Variants in IL11RA observed in about 807,000 individuals in gnomAD.
IL11RA encodes the protein interleukin-11 receptor subunit alpha.
Under a neutral mutation model 57.0 loss-of-function variants are expected in IL11RA, and 51 were observed. The observed-to-expected ratio is 0.89, with a 90% confidence interval of 0.71 to 1.13. IL11RA has a LOEUF of 1.13. Ranked by LOEUF, IL11RA falls within the 50% of genes most tolerant of loss-of-function variation. IL11RA has a pLI of 0.00. For synonymous variants in IL11RA, 199 were observed against 217.5 expected (o/e 0.91, Z 0.75); for missense variants, 498 against 539.4 (o/e 0.92, Z 0.76).
chr9:34,660,785 A>G (rs1039913179), intron 11 of IL11RA, 69 bp from the exon 12 acceptor site: 1 of 1,412,728 alleles, frequency 7.1e-7, no homozygotes, highest in Non-Finnish European at 1.0e-6. Context: ...ACCCTTTACT[A>G]ATAAACCCTT....
chr9:34,660,372 C>A lies in IL11RA; in HGVS notation c.1051C>A (p.Gln351Lys), dbSNP rs1470577176. The A allele has an allele frequency of 6.2e-7, 1 of 1,614,156 alleles. No individual in the cohort carries two copies. Among genetic ancestry groups the A allele is most frequent in the Non-Finnish European group, 8.5e-7 (1 of 1,179,988 alleles). The change falls in exon 10 of 13, where the codon CAA becomes AAA. Residue 351 changes from glutamine (Q) to lysine (K), a missense_variant. Physicochemically the swap from Gln to Lys is moderately conservative, Grantham distance 53. Transcript: ENST00000441545. The stretch of plus-strand genomic sequence containing the variant: ...CCCTGCTCCTCCAAGGCCCTCCCTC[C>A]AACCACACCCTCGGCTACTTGGTGA... ...DSPAPPRPSLQPHPRLLDHRD... is the reference protein window; with the variant it reads ...DSPAPPRPSLKPHPRLLDHRD...
intron 1 of IL11RA, 140 bp from the exon 2 acceptor site, chr9:34,655,078 C>G (rs1821317172): frequency 2.8e-6 from 2 of 705,186 alleles, no homozygotes; most frequent in African/African-American, 3.5e-5. Context: ...CAGGTCAGTT[C>G]CCGCAGTGAT....
At position 34,660,384 on chromosome 9, in the gene IL11RA, C is replaced by T. The variant is rs148186329; in HGVS notation, c.1063C>T (p.Arg355Trp). The change falls in exon 10 of 13, where the codon CGG becomes TGG. Residue 355 changes from arginine (R) to tryptophan (W), a missense_variant. By Grantham distance (101) the Arg-to-Trp change is moderately radical. Coordinates refer to ENST00000441545, the MANE Select transcript of IL11RA (RefSeq NM_001142784.3). ...PPRPSLQPHP[R>W]LLDHRDSVEQ... ...AAGGCCCTCCCTCCAACCACACCCT[C>T]GGCTACTTGGTGAGCTTGGGCAGAT... is the stretch of plus-strand genomic sequence containing the variant. The T allele has an allele frequency of 1.5e-4, 242 of 1,614,126 alleles. No homozygotes were observed. In the African/African-American group the frequency reaches 2.4e-3, roughly 16 times the overall value.
rs1170642058 is a variant in IL11RA at position 34,660,260 on chromosome 9, T to C, written c.953-14T>C. On this transcript the variant is annotated splice_polypyrimidine_tract_variant and intron_variant, in intron 9 of 12. Coordinates refer to ENST00000441545, the MANE Select transcript of IL11RA (RefSeq NM_001142784.3). Reference sequence around the variant, plus strand: ...CCAGCGTATGGACACTTATTGGGTCTTGCCTTCCTTTAGGGACCATACCAA... The same window carrying C: ...CCAGCGTATGGACACTTATTGGGTCCTGCCTTCCTTTAGGGACCATACCAA... 6.2e-7 allele frequency: 1 copy of C among 1,614,186 alleles called. No homozygotes were observed. The highest frequency in any genetic ancestry group is 8.5e-7 in the Non-Finnish European group (1 of 1,180,024).
Position 34,658,381 on chromosome 9 carries a change from A to G in IL11RA, c.647-139A>G. ...AATACAGATGACCGGTCTGAGTCTA[A>G]TGGATGATCAAGTTTAAGATTTCCC... On this transcript the variant is annotated intron_variant, in intron 7 of 12. Coordinates refer to ENST00000441545, the MANE Select transcript of IL11RA (RefSeq NM_001142784.3). The surrounding 1 kb of genome is among the most constrained non-coding windows in gnomAD (Gnocchi z 4.0). 1.1e-6 allele frequency: 1 copy of G among 879,014 alleles called. No homozygotes were observed. The highest frequency in any genetic ancestry group is 1.4e-5 in the South Asian group (1 of 71,948). 54.5% of individuals were successfully genotyped at this position (879,014 alleles called of 1,614,324 possible).
intron 4 of IL11RA, 28 bp from the exon 5 acceptor site, chr9:34,657,007 A>C (rs370362629): frequency 3.2e-5 from 52 of 1,610,010 alleles, no homozygotes; most frequent in Non-Finnish European, 4.1e-5. Context: ...AGGACTGCTC[A>C]GTCTCCAGGT....
At chr9:34,660,666 A>G in intron 11 of IL11RA, 66 bp downstream of exon 11, 2 of 1,386,806 alleles carry the variant, frequency 1.4e-6, no homozygotes, top group South Asian at 2.3e-5. Flanking sequence ...CATAGACCAC[A>G]TTCATCTCCA....
chr9:34,655,889 C>G, intron 3 of IL11RA: 1 of 601,812 alleles, frequency 1.7e-6, no homozygotes, highest in Non-Finnish European at 3.1e-6. Flanking sequence ...TACAGCAGTG[C>G]TAATGCCAGG....
chr9:34,655,016 T>TGTGTGTGTGC (rs1020616428), intron 1 of IL11RA: 1 of 556,722 alleles, frequency 1.8e-6, no homozygotes, highest in African/African-American at 1.9e-5. Context: ...TGTGTGTGTG[T>TGTGTGTGTGC]GCGCGCGCAC....
At position 34,661,763 on chromosome 9, in the gene IL11RA, G is replaced by A. The variant is rs1445666143; in HGVS notation, c.*265G>A. ...TGTGACCATGTGTCTGTGAGGCAGG[G>A]AACATGTATTCTCTGCATGCATGTA... On this transcript the variant is annotated 3_prime_UTR_variant, in exon 13 of 13. Coordinates refer to ENST00000441545, the MANE Select transcript of IL11RA (RefSeq NM_001142784.3). 1.1e-5 allele frequency: 8 copies of A among 737,136 alleles called. No individual in the cohort carries two copies. The highest frequency in any genetic ancestry group is 8.9e-5 in the Admixed American group (4 of 45,084). The allele number at this position is 737,136 out of a possible 1,614,324, so 45.7% of individuals were successfully genotyped here.
Position 34,660,137 on chromosome 9 carries a change from C to T in IL11RA, c.953-137C>T, listed in dbSNP as rs1821424068. ...ACAAGCTTGGAGCTTGCCATGCTCC[C>T]TAGGAGCTGGCCATGCCCTATCAGG... is the stretch of plus-strand genomic sequence containing the variant. On this transcript the variant is annotated intron_variant, in intron 9 of 12. Transcript: ENST00000441545. 1.9e-5 allele frequency: 26 copies of T among 1,367,976 alleles called. No homozygotes were observed. In the Admixed American group the frequency reaches 4.1e-4, roughly 22 times the overall value. The allele number at this position is 1,367,976 out of a possible 1,614,324, so 84.7% of individuals were successfully genotyped here.
rs1438950665 is a variant in IL11RA at position 34,655,155 on chromosome 9, A to G, written c.1-63A>G. 13 of 1,159,880 alleles carry G rather than the reference A, an allele frequency of 1.1e-5. No individual in the cohort carries two copies. In the East Asian group the frequency reaches 3.2e-4, roughly 29 times the overall value. The allele number at this position is 1,159,880 out of a possible 1,614,324, so 71.8% of individuals were successfully genotyped here. On this transcript the variant is annotated intron_variant, in intron 1 of 12. Coordinates refer to ENST00000441545, the MANE Select transcript of IL11RA (RefSeq NM_001142784.3). ...TAGGAAGCCTCAGTTTTGGAGAGGA[A>G]GAGCCAGGCTTTAGCCTCCCATCTC...
chr9:34,660,687 C>G, intron 11 of IL11RA, 87 bp downstream of exon 11: 1 of 1,291,332 alleles, frequency 7.7e-7, no homozygotes, highest in Admixed American at 1.7e-5. Flanking sequence ...CCCTTCATGA[C>G]TGCCCGCTGA....
chr9:34,654,825 G>A (rs1002639334), intron 1 of IL11RA, among the ~76,000 whole-genome samples: 5 of 152,132 alleles, frequency 3.3e-5, no homozygotes, highest in African/African-American at 1.2e-4. Context: ...CCCAACAGCT[G>A]GACTGGAGGG....
chr9:34,655,089 T>A (rs543358544), intron 1 of IL11RA, 129 bp from the exon 2 acceptor site: 48 of 725,478 alleles, frequency 6.6e-5, no homozygotes, highest in Admixed American at 4.1e-4. Context: ...CCGCAGTGAT[T>A]TCTAACAGCC....
At position 34,657,603 on chromosome 9, in the gene IL11RA, A is replaced by G; in HGVS notation, c.646+16A>G. 1 of 1,586,700 alleles carries G rather than the reference A, an allele frequency of 6.3e-7. No homozygotes were observed. Among genetic ancestry groups the G allele is most frequent in the Non-Finnish European group, 8.6e-7 (1 of 1,163,252 alleles). ...CAGAGCATCTGTGAGTACCCACCCC[A>G]GACCTCCCCCAGACCCCCATCACAG... On this transcript the variant is annotated intron_variant, in intron 7 of 12. Coordinates refer to ENST00000441545, the MANE Select transcript of IL11RA (RefSeq NM_001142784.3).
chr9:34,661,528 C>T lies in IL11RA; in HGVS notation c.*30C>T. 1 of 1,611,154 alleles carries T rather than the reference C, an allele frequency of 6.2e-7. No individual in the cohort carries two copies. Among genetic ancestry groups the T allele is most frequent in the South Asian group, 1.1e-5 (1 of 91,008 alleles). The stretch of plus-strand genomic sequence containing the variant: ...CCCAGGAGGGCTTCGGCAGATTCCA[C>T]CTATAATTCTGTCTTGCTGGTGTGG... On this transcript the variant is annotated 3_prime_UTR_variant, in exon 13 of 13. Transcript: ENST00000441545.
At chr9:34,655,564 G>C (rs559005389) in intron 2 of IL11RA, 41 bp from the exon 3 acceptor site, 14 of 1,582,834 alleles carry the variant, frequency 8.8e-6, no homozygotes, top group Non-Finnish European at 1.1e-5. Context: ...AGTGGGGAGG[G>C]GGGTAAAGGA....
Position 34,658,701 on chromosome 9 carries a change from T to A in IL11RA, c.810+18T>A. The A allele has an allele frequency of 1.2e-6, 2 of 1,609,572 alleles. No homozygotes were observed. The highest frequency in any genetic ancestry group is 1.7e-6 in the Non-Finnish European group (2 of 1,179,912). ...GGTCCACGGTGAGGCCTGGAGTGCG[T>A]CCCAACCCACGGCTGTGGGTCCTGT... On this transcript the variant is annotated intron_variant, in intron 8 of 12. Coordinates refer to ENST00000441545, the MANE Select transcript of IL11RA (RefSeq NM_001142784.3). The surrounding 1 kb of genome is among the most constrained non-coding windows in gnomAD (Gnocchi z 4.0).
Sources: allele counts gnomAD v4.1 joint callset (sites outside exome capture counted in the v4.1 genomes callset), GRCh38; gene constraint gnomAD v4.1.1; non-coding constraint Gnocchi (gnomAD v3.1); transcripts MANE v1.5; gene names NCBI Gene and HGNC (gene_info 2026-07-23, HGNC 2026-07-21).